CACNA1E: variants seen among roughly 807,000 people sequenced by gnomAD.
CACNA1E encodes the protein voltage-dependent R-type calcium channel subunit alpha-1E.
In CACNA1E, 40 loss-of-function variants were observed where a neutral mutation model predicts 259.2. The ratio of observed to expected loss-of-function variants is 0.15; its 90% CI spans 0.12 to 0.20. The LOEUF is 0.20. Ranked by LOEUF, CACNA1E falls within the 10% of genes least tolerant of loss-of-function variation. The pLI is 1.00. For synonymous variants in CACNA1E, 1,104 were observed against 1,138.5 expected (o/e 0.97, Z 0.61); for missense variants, 1,874 against 3,040.1 (o/e 0.62, Z 9.02).
chr1:181,398,466 A>G (rs1656854676), intron 1 of CACNA1E, among the ~76,000 whole-genome samples: 1 of 152,242 alleles, frequency 6.6e-6, no homozygotes, highest in South Asian at 2.1e-4. Flanking sequence ...TCTCCATATT[A>G]CAGATGAGAA....
chr1:181,723,690 C>T (rs543361447), intron 16 of CACNA1E, among the ~76,000 whole-genome samples: 2 of 152,130 alleles, frequency 1.3e-5, no homozygotes, highest in Non-Finnish European at 2.9e-5. Context: ...TTCCCACAAC[C>T]CCCTTCCTGG....
chr1:181,794,549 C>T (rs930646858), intron 45 of CACNA1E, among the ~76,000 whole-genome samples: 4 of 152,208 alleles, frequency 2.6e-5, no homozygotes, highest in East Asian at 1.9e-4. Flanking sequence ...AGCCTGGCTG[C>T]GCCCCATGGT....
At chr1:181,750,610 T>G in intron 26 of CACNA1E, 123 bp downstream of exon 26, 1 of 859,484 alleles carries the variant, frequency 1.2e-6, no homozygotes, top group Non-Finnish European at 1.9e-6. Context: ...TTTATTTATA[T>G]CCAAGGGATC....
At chr1:181,364,310 C>T (rs748893351) in intron 1 of CACNA1E, among the ~76,000 whole-genome samples, 31 of 152,270 alleles carry the variant, frequency 2.0e-4, no homozygotes, top group Admixed American at 1.3e-3. Flanking sequence ...TATTTTACAC[C>T]ACACTTGTTT....
intron 1 of CACNA1E, among the ~76,000 whole-genome samples, chr1:181,362,105 G>A (rs776279037): frequency 1.3e-5 from 2 of 152,184 alleles, no homozygotes; most frequent in Non-Finnish European, 2.9e-5. Context: ...GCATCCAGTA[G>A]GTATTAAATG....
At chr1:181,508,493 G>C (rs1472266668) in intron 1 of CACNA1E, among the ~76,000 whole-genome samples, 1 of 152,224 alleles carries the variant, frequency 6.6e-6, no homozygotes. Context: ...TGCAGGATGA[G>C]TCTGGGATTC....
At chr1:181,521,693 AC>A in intron 3 of CACNA1E, among the ~76,000 whole-genome samples, 1 of 152,324 alleles carries the variant, frequency 6.6e-6, no homozygotes, top group East Asian at 1.9e-4. Flanking sequence ...ATAGTGTATA[AC>A]ATGCTGCATA....
intron 1 of CACNA1E, among the ~76,000 whole-genome samples, chr1:181,327,548 TC>T (rs940909943): frequency 1.4e-4 from 21 of 152,156 alleles, no homozygotes; most frequent in Admixed American, 7.9e-4. Context: ...CCCCCATCTT[TC>T]CCCCCAGGGT....
intron 1 of CACNA1E, among the ~76,000 whole-genome samples, chr1:181,498,419 TG>T (rs1404647525): frequency 3.3e-5 from 5 of 152,296 alleles, no homozygotes; most frequent in African/African-American, 1.2e-4. Context: ...CTCCTATGCT[TG>T]ACAATTTAGA....
At chr1:181,380,191 G>A (rs538028479) in intron 1 of CACNA1E, among the ~76,000 whole-genome samples, 4 of 151,674 alleles carry the variant, frequency 2.6e-5, no homozygotes, top group South Asian at 2.1e-4. Flanking sequence ...AATAAATACC[G>A]CACTTGAAAG....
At chr1:181,735,506 G>T (rs1397603609) in intron 21 of CACNA1E, among the ~76,000 whole-genome samples, 1 of 152,170 alleles carries the variant, frequency 6.6e-6, no homozygotes, top group Non-Finnish European at 1.5e-5. Flanking sequence ...TCCCCACTGT[G>T]ACAGCTTCAG....
intron 38 of CACNA1E, among the ~76,000 whole-genome samples, chr1:181,781,154 C>T (rs568386101): frequency 8.5e-5 from 13 of 152,214 alleles, no homozygotes; most frequent in South Asian, 2.1e-4. Flanking sequence ...CCAGTTTTCC[C>T]GGGTCTGTGT....
intron 25 of CACNA1E, among the ~76,000 whole-genome samples, chr1:181,740,305 T>A (rs1656444928): frequency 6.6e-6 from 1 of 152,122 alleles, no homozygotes; most frequent in Non-Finnish European, 1.5e-5. Context: ...CCCTTCTGAG[T>A]GGTTTTCCCT....
chr1:181,382,564 T>C (rs1655529231), intron 1 of CACNA1E, among the ~76,000 whole-genome samples: 1 of 152,116 alleles, frequency 6.6e-6, no homozygotes, highest in African/African-American at 2.4e-5. Context: ...CTAGGAATCT[T>C]GTTGATGACC....
intron 3 of CACNA1E, among the ~76,000 whole-genome samples, chr1:181,545,378 G>A (rs1412256788): frequency 6.6e-6 from 1 of 152,142 alleles, no homozygotes; most frequent in Non-Finnish European, 1.5e-5. Flanking sequence ...GTCATACTTG[G>A]CATTTTAGAT....
chr1:181,717,034 C>A, intron 10 of CACNA1E, 59 bp from the exon 11 acceptor site: 1 of 1,472,030 alleles, frequency 6.8e-7, no homozygotes, highest in South Asian at 1.1e-5. Context: ...TTCGAATGCT[C>A]CCTGGCCCGG....
At chr1:181,725,303 G>C (rs1654798045) in intron 17 of CACNA1E, among the ~76,000 whole-genome samples, 1 of 152,152 alleles carries the variant, frequency 6.6e-6, no homozygotes, top group Non-Finnish European at 1.5e-5. Context: ...GAGAAACTGG[G>C]TCTGAGTCCC....
rs566153878 is a variant in CACNA1E at position 181,758,605 on chromosome 1, CCT to C, written c.4495-149_4495-148del. Among the ~76,000 whole-genome samples the C allele has an allele frequency of 1.6e-4, 25 of 152,218 alleles. No individual in the cohort carries two copies. In the South Asian group the frequency reaches 4.8e-3, roughly 29 times the overall value. On this transcript the variant is annotated intron_variant, in intron 31 of 47. Coordinates refer to ENST00000367573, the MANE Select transcript of CACNA1E (RefSeq NM_001205293.3). The surrounding 1 kb of genome is among the most constrained non-coding windows in gnomAD (Gnocchi z 4.2). ...TTTGTTGGGTAGAATATGTGGTTCTCCTCTCCAGCACTCGAAGTCCATCTCTC... is the reference window on the plus strand; with the variant it reads ...TTTGTTGGGTAGAATATGTGGTTCTCCTCCAGCACTCGAAGTCCATCTCTC...
At chr1:181,692,978 T>C (rs1651326686) in intron 7 of CACNA1E, among the ~76,000 whole-genome samples, 1 of 151,498 alleles carries the variant, frequency 6.6e-6, no homozygotes, top group South Asian at 2.1e-4. Context: ...CATTAAAAAA[T>C]GGGCAAAGGA....
Sources: allele counts gnomAD v4.1 joint callset (sites outside exome capture counted in the v4.1 genomes callset), GRCh38; gene constraint gnomAD v4.1.1; non-coding constraint Gnocchi (gnomAD v3.1); transcripts MANE v1.5; gene names NCBI Gene and HGNC (gene_info 2026-07-23, HGNC 2026-07-21).